Variants in GYS2 observed in about 807,000 individuals in gnomAD.
The protein encoded by GYS2 is glycogen [starch] synthase, liver.
A neutral mutation model predicts 85.6 loss-of-function variants in GYS2; 80 were observed. The observed-to-expected ratio is 0.93, with a 90% CI of 0.78 to 1.13. The LOEUF (loss-of-function observed/expected upper bound fraction) is 1.13, where lower values mean the gene tolerates loss of function less well. GYS2 is among the 50% of genes most tolerant of loss of function. The pLI is 0.00. For synonymous variants in GYS2, 328 were observed against 300.7 expected, an observed-to-expected ratio of 1.09 and a Z score of -0.94; for missense variants, 881 against 854.9, an observed-to-expected ratio of 1.03 and a Z score of -0.38.
intron 1 of GYS2, among the ~76,000 whole-genome samples, chr12:21,601,301 C>T (rs187032013): frequency 5.9e-5 from 9 of 152,202 alleles, no homozygotes; most frequent in Non-Finnish European, 1.0e-4. Flanking sequence ...ACATACCTGA[C>T]TACTTAGTAC....
intron 15 of GYS2, chr12:21,537,480 G>C (rs1943923845): frequency 5.4e-6 from 2 of 369,072 alleles, no homozygotes; most frequent in Middle Eastern, 8.4e-4. Flanking sequence ...TGGAGGGTTA[G>C]AGGGGTCAAG....
intron 4 of GYS2, among the ~76,000 whole-genome samples, chr12:21,570,241 C>G (rs1944370186): frequency 6.6e-6 from 1 of 152,142 alleles, no homozygotes; most frequent in Non-Finnish European, 1.5e-5. Context: ...TTCTTAAAAG[C>G]TCTATGTGGC....
chr12:21,579,896 C>A (rs1944489664), intron 2 of GYS2, among the ~76,000 whole-genome samples: 1 of 152,194 alleles, frequency 6.6e-6, no homozygotes, highest in Non-Finnish European at 1.5e-5. Flanking sequence ...ATATTCACAG[C>A]TTCTGAGGAT....
At chr12:21,534,619 G>A (rs1051967367), downstream of GYS2, among the ~76,000 whole-genome samples, 2 of 151,306 alleles carry the variant, frequency 1.3e-5, no homozygotes, top group African/African-American at 4.9e-5. Flanking sequence ...AGGTAAGAAA[G>A]AAAAAAAGAG....
intron 9 of GYS2, 79 bp downstream of exon 9, chr12:21,559,572 T>G: frequency 1.2e-6 from 1 of 820,666 alleles, no homozygotes; most frequent in Non-Finnish European, 2.1e-6. Context: ...ACAAAATTAA[T>G]AAGTTATGAT....
Position 21,562,802 on chromosome 12 carries a change from A to G in GYS2, c.1062+116T>C, listed in dbSNP as rs1469314622. On this transcript the variant is annotated intron_variant, in intron 7 of 15. Transcript: ENST00000261195. ...TTGAAAGGCTGAAGCCATTTTTAGA[A>G]TACGATTATCGTTTATTCTCTTGAA... 1.7e-5 allele frequency: 19 copies of G among 1,121,386 alleles called. No individual in the cohort carries two copies. The African/African-American group carries it at 2.0e-4, about 12-fold the overall frequency. 69.5% of individuals were successfully genotyped at this position (1,121,386 alleles called of 1,614,324 possible).
chr12:21,551,357 T>A (rs1312071847), intron 11 of GYS2, among the ~76,000 whole-genome samples: 1 of 152,152 alleles, frequency 6.6e-6, no homozygotes, highest in Non-Finnish European at 1.5e-5. Context: ...ATCATTATAT[T>A]GTATAACATT....
chr12:21,585,209 T>G (rs1399156757), intron 1 of GYS2, among the ~76,000 whole-genome samples: 1 of 152,198 alleles, frequency 6.6e-6, no homozygotes, highest in African/African-American at 2.4e-5. Context: ...TATGTTCTGC[T>G]GGCTTAGAGG....
At chr12:21,576,154 A>G in intron 2 of GYS2, 97 bp from the exon 3 acceptor site, 1 of 929,330 alleles carries the variant, frequency 1.1e-6, no homozygotes. Context: ...TGTAGTACTC[A>G]ATAGCAAATT....
At chr12:21,555,197 T>C (rs1431946902) in intron 11 of GYS2, among the ~76,000 whole-genome samples, 2 of 152,188 alleles carry the variant, frequency 1.3e-5, no homozygotes, top group African/African-American at 2.4e-5. Flanking sequence ...AAAGACCAGC[T>C]TAGGTTAAAC....
At chr12:21,578,405 C>CGTTT (rs1251436959) in intron 2 of GYS2, among the ~76,000 whole-genome samples, 3 of 152,130 alleles carry the variant, frequency 2.0e-5, no homozygotes, top group Non-Finnish European at 2.9e-5. Context: ...TCAAATTAAA[C>CGTTT]AACACTGGAT....
At chr12:21,560,584 A>T in intron 7 of GYS2, 92 bp from the exon 8 acceptor site, 1 of 759,074 alleles carries the variant, frequency 1.3e-6, no homozygotes, top group Non-Finnish European at 2.4e-6. Flanking sequence ...TAGAGTTTTA[A>T]AATATCAGTA....
chr12:21,572,441 A>T lies in GYS2; in HGVS notation c.678+1703T>A, dbSNP rs539868157. On this transcript the variant is annotated intron_variant, in intron 4 of 15. Transcript: ENST00000261195. ...TATACTGAAATTTTAAAAACCTTTC[A>T]TGTATATAATTTGGTATTCTTATGT... is the stretch of plus-strand genomic sequence containing the variant. Among the ~76,000 whole-genome samples the T allele has an allele frequency of 1.4e-4, 22 of 152,348 alleles. No homozygotes were observed. In the East Asian group the frequency reaches 3.9e-3, roughly 27 times the overall value.
intron 1 of GYS2, among the ~76,000 whole-genome samples, chr12:21,581,303 G>C (rs1053803407): frequency 3.9e-5 from 6 of 152,126 alleles, no homozygotes; most frequent in African/African-American, 1.4e-4. Flanking sequence ...CACATCCTGG[G>C]CCTGGTTAAA....
intron 13 of GYS2, among the ~76,000 whole-genome samples, chr12:21,540,974 TA>T (rs1943966637): frequency 6.6e-6 from 1 of 151,926 alleles, no homozygotes; most frequent in Non-Finnish European, 1.5e-5. Flanking sequence ...AGTACACCCA[TA>T]AAAGACTGAG....
In GYS2 at chr12:21,580,471, T is replaced by C. The variant is rs553711100; in HGVS notation, c.174A>G (p.Glu58=). Residue 58 remains glutamate (E), a synonymous_variant, in exon 2 of 16, where the codon GAA becomes GAG. Coordinates refer to ENST00000261195, the MANE Select transcript of GYS2 (RefSeq NM_021957.4). ...IQTKAKTTAD[E]WGENYFLIGP... ...CTATCAGAAAATAGTTCTCTCCCCA[T>C]TCATCTGCTGTTGTTTTGGCCTTTG... 2.5e-6 allele frequency: 4 copies of C among 1,613,564 alleles called. No homozygotes were observed. In the African/African-American group the frequency reaches 5.3e-5, roughly 22 times the overall value.
chr12:21,585,872 G>A (rs1486257130), intron 1 of GYS2, among the ~76,000 whole-genome samples: 2 of 152,148 alleles, frequency 1.3e-5, no homozygotes, highest in Admixed American at 6.5e-5. Flanking sequence ...TTTGCAATGG[G>A]GATTGGTGCA....
At chr12:21,575,210 C>A (rs1332542729) in intron 3 of GYS2, among the ~76,000 whole-genome samples, 1 of 151,956 alleles carries the variant, frequency 6.6e-6, no homozygotes, top group African/African-American at 2.4e-5. Context: ...AAAAAACATG[C>A]CTAGAATCAA....
chr12:21,540,291 A>G, intron 14 of GYS2, 119 bp downstream of exon 14: 1 of 907,712 alleles, frequency 1.1e-6, no homozygotes, highest in Non-Finnish European at 1.8e-6. Flanking sequence ...ACATGGAGAC[A>G]CTGAGATTTT....
Sources: gnomAD v4.1 joint callset for allele counts (sites outside exome capture counted in the v4.1 genomes callset) on GRCh38, gnomAD v4.1.1 for gene constraint, MANE v1.5 for transcripts, NCBI Gene and HGNC (gene_info 2026-07-23, HGNC 2026-07-21) for gene names.